ZNF536: variants seen among roughly 807,000 people sequenced by gnomAD.
The protein encoded by ZNF536 is zinc finger protein 536.
In ZNF536, 13 loss-of-function variants were observed where a neutral mutation model predicts 84.5. The ratio of observed to expected loss-of-function variants is 0.15; its 90% CI spans 0.10 to 0.24. The LOEUF is 0.24. ZNF536 is among the 10% of genes least tolerant of loss of function. The probability of loss-of-function intolerance (pLI) is 1.00; values close to 1 mark genes in which losing one functional copy is unlikely to be tolerated. For missense variants in ZNF536, 1,536 were observed against 1,747.5 expected, an observed-to-expected ratio of 0.88 and a Z score of 2.16; for synonymous variants, 811 against 742.5, an observed-to-expected ratio of 1.09 and a Z score of -1.50.
At chr19:30,243,685 A>G (rs7255570) in intron 1 of ZNF536, among the ~76,000 whole-genome samples, 37,391 of 151,984 alleles carry the variant, frequency 0.25, 5,736 homozygotes, top group East Asian at 0.52. Context: ...TGACAGTGCT[A>G]GTGCTGTATT....
chr19:30,706,731 G>A (rs1019017441), intron 1 of ZNF536, among the ~76,000 whole-genome samples: 1 of 151,980 alleles, frequency 6.6e-6, no homozygotes, highest in African/African-American at 2.4e-5. Context: ...TCATACGATA[G>A]TGACATTCTC....
intron 1 of ZNF536, among the ~76,000 whole-genome samples, chr19:30,258,547 C>CA (rs2025029279): frequency 6.6e-6 from 1 of 152,168 alleles, no homozygotes; most frequent in South Asian, 2.1e-4. Flanking sequence ...AGTGCTTTAT[C>CA]ACCACCACTC....
chr19:30,645,085 T>A (rs766445547), intron 1 of ZNF536, among the ~76,000 whole-genome samples: 1 of 152,228 alleles, frequency 6.6e-6, no homozygotes, highest in Non-Finnish European at 1.5e-5. Context: ...TGGTATCTCA[T>A]TGTGGTTTTG....
intron 1 of ZNF536, among the ~76,000 whole-genome samples, chr19:30,633,194 G>A (rs2048951357): frequency 6.6e-6 from 1 of 152,206 alleles, no homozygotes; most frequent in African/African-American, 2.4e-5. Flanking sequence ...GCTGATTGTG[G>A]TATCAGATGG....
At chr19:30,367,914 G>T (rs756915678), upstream of ZNF536, among the ~76,000 whole-genome samples, 3 of 152,132 alleles carry the variant, frequency 2.0e-5, no homozygotes, top group Non-Finnish European at 4.4e-5. Flanking sequence ...CGGTTTTGCT[G>T]TGGGCTCTCC....
At chr19:30,260,010 C>T (rs2025124857) in intron 1 of ZNF536, among the ~76,000 whole-genome samples, 1 of 151,788 alleles carries the variant, frequency 6.6e-6, no homozygotes, top group Admixed American at 6.6e-5. Flanking sequence ...AGTGATCCAC[C>T]TGCCTTGGCC....
chr19:30,398,452 C>G (rs1026391395), intron 1 of ZNF536, among the ~76,000 whole-genome samples: 1 of 149,596 alleles, frequency 6.7e-6, no homozygotes, highest in African/African-American at 2.5e-5. Context: ...AGTTTTGTTA[C>G]ATAGGTATAC....
chr19:30,690,361 G>C (rs1419532447), intron 1 of ZNF536, among the ~76,000 whole-genome samples: 1 of 152,192 alleles, frequency 6.6e-6, no homozygotes. Context: ...GAGAGGAAGC[G>C]ATTTGAAAGG....
At chr19:30,473,659 G>A (rs1016907245) in intron 2 of ZNF536, among the ~76,000 whole-genome samples, 2 of 152,178 alleles carry the variant, frequency 1.3e-5, no homozygotes, top group African/African-American at 2.4e-5. Flanking sequence ...CCTTGGAGCC[G>A]CTACAATGTA....
At chr19:30,483,269 G>T (rs184242999) in intron 2 of ZNF536, among the ~76,000 whole-genome samples, 168 of 152,270 alleles carry the variant, frequency 1.1e-3, no homozygotes, top group East Asian at 3.9e-4. Context: ...GAGCAAGGTG[G>T]CTCCCCTTGG....
intron 1 of ZNF536, among the ~76,000 whole-genome samples, chr19:30,437,290 A>T (rs1048354496): frequency 6.6e-6 from 1 of 152,134 alleles, no homozygotes; most frequent in Non-Finnish European, 1.5e-5. Flanking sequence ...TAGGTTCTCT[A>T]TTGGAAGAGT....
chr19:30,297,413 T>G (rs73033261), intron 2 of ZNF536, among the ~76,000 whole-genome samples: 1,790 of 152,304 alleles, frequency 0.012, 28 homozygotes, highest in Non-Finnish European at 0.021. Context: ...AGCCACTTCT[T>G]TTTGAACCCT....
intron 1 of ZNF536, among the ~76,000 whole-genome samples, chr19:30,649,678 C>T (rs1279719634): frequency 2.0e-5 from 3 of 150,024 alleles, no homozygotes; most frequent in Admixed American, 6.7e-5. Flanking sequence ...CACAGGAAAA[C>T]AATAGACTTG....
intron 2 of ZNF536, among the ~76,000 whole-genome samples, chr19:30,531,876 C>T (rs140445953): frequency 3.3e-5 from 5 of 152,092 alleles, no homozygotes; most frequent in African/African-American, 7.2e-5. Flanking sequence ...CTACCCACCT[C>T]GGTGTCCCAA....
intron 2 of ZNF536, among the ~76,000 whole-genome samples, chr19:30,458,260 T>C (rs1461505570): frequency 1.3e-5 from 2 of 152,050 alleles, no homozygotes; most frequent in African/African-American, 2.4e-5. Context: ...TGGGGAAGTG[T>C]AGAAGATTCG....
chr19:30,431,800 G>A (rs960742017), intron 1 of ZNF536, among the ~76,000 whole-genome samples: 1 of 152,106 alleles, frequency 6.6e-6, no homozygotes, highest in Non-Finnish European at 1.5e-5. Flanking sequence ...GGGGCTGTGC[G>A]CTGAGGCTGG....
chr19:30,512,268 G>C (rs1278501373), intron 2 of ZNF536, among the ~76,000 whole-genome samples: 3 of 152,124 alleles, frequency 2.0e-5, no homozygotes, highest in South Asian at 4.1e-4. Flanking sequence ...CGGAACACCT[G>C]CCTTAAAATG....
chr19:30,477,026 T>C (rs1156851383), intron 2 of ZNF536, among the ~76,000 whole-genome samples: 3 of 152,122 alleles, frequency 2.0e-5, no homozygotes, highest in African/African-American at 7.2e-5. Context: ...TGGCCTCAAA[T>C]GATCCTTCTG....
intron 1 of ZNF536, among the ~76,000 whole-genome samples, chr19:30,629,333 G>A (rs2048803202): frequency 6.6e-6 from 1 of 152,124 alleles, no homozygotes; most frequent in Non-Finnish European, 1.5e-5. Flanking sequence ...CTAAGTAGCT[G>A]GGACCACAGG....
Sources: gnomAD v4.1 joint callset for allele counts (sites outside exome capture counted in the v4.1 genomes callset) on GRCh38, gnomAD v4.1.1 for gene constraint, MANE v1.5 for transcripts, NCBI Gene and HGNC (gene_info 2026-07-23, HGNC 2026-07-21) for gene names.